The following PTPRQ variants were observed in gnomAD, a reference collection of about 807,000 sequenced individuals.
The protein encoded by PTPRQ is protein tyrosine phosphatase receptor type Q, also known as phosphatidylinositol phosphatase PTPRQ.
In PTPRQ, 199 loss-of-function variants were observed where a neutral mutation model predicts 246.0. The observed-to-expected ratio is 0.81, with a 90% CI of 0.72 to 0.91. The LOEUF is 0.91. Ranked by LOEUF, PTPRQ falls within the 40% of genes least tolerant of loss-of-function variation. The probability of loss-of-function intolerance (pLI) is 0.00; values close to 1 mark genes in which losing one functional copy is unlikely to be tolerated. For missense variants in PTPRQ, 2,624 were observed against 2,528.4 expected, an observed-to-expected ratio of 1.04 and a Z score of -0.81; for synonymous variants, 869 against 853.2, an observed-to-expected ratio of 1.02 and a Z score of -0.32.
At chr12:80,601,018 C>G (rs1202552653) in intron 26 of PTPRQ, among the ~76,000 whole-genome samples, 1 of 151,634 alleles carries the variant, frequency 6.6e-6, no homozygotes, top group Non-Finnish European at 1.5e-5. Context: ...CACTCTTTCT[C>G]CAAACAGCCA....
rs553187460 is a variant in PTPRQ at position 80,448,380 on chromosome 12, T to TA, written c.390+2667dup. On this transcript the variant is annotated intron_variant, in intron 3 of 44. Coordinates refer to ENST00000644991, the MANE Select transcript of PTPRQ (RefSeq NM_001145026.2). ...CTGTTTTCCAATTTGGATGCCTTTTTAAAATTATTGTACTTTAAGTTTTAG... is the reference window on the plus strand; with the variant it reads ...CTGTTTTCCAATTTGGATGCCTTTTTAAAAATTATTGTACTTTAAGTTTTAG... 9.2e-5 allele frequency among the ~76,000 whole-genome samples: 14 copies of TA among 152,298 alleles called. No homozygotes were observed. The South Asian group carries it at 2.9e-3, about 32-fold the overall frequency.
intron 26 of PTPRQ, among the ~76,000 whole-genome samples, chr12:80,595,407 T>C (rs1897936629): frequency 2.0e-5 from 3 of 152,130 alleles, no homozygotes; most frequent in Admixed American, 1.3e-4. Context: ...AAATTCTCCA[T>C]ATTTTAAAAT....
At chr12:80,529,223 GA>G (rs1364462959) in intron 17 of PTPRQ, among the ~76,000 whole-genome samples, 5 of 152,062 alleles carry the variant, frequency 3.3e-5, no homozygotes, top group Non-Finnish European at 7.4e-5. Context: ...TTCATATGAG[GA>G]AAAAAATAAT....
At chr12:80,559,165 C>T (rs1162430747) in intron 25 of PTPRQ, among the ~76,000 whole-genome samples, 4 of 152,190 alleles carry the variant, frequency 2.6e-5, no homozygotes, top group Non-Finnish European at 5.9e-5. Context: ...CTGCCCCAGC[C>T]TCCCGAGTAG....
At chr12:80,515,938 C>T (rs558216464) in intron 17 of PTPRQ, among the ~76,000 whole-genome samples, 140 of 152,216 alleles carry the variant, frequency 9.2e-4, no homozygotes, top group Non-Finnish European at 1.4e-3. Context: ...CTGTTTTAAT[C>T]CATTGCATTT....
intron 8 of PTPRQ, among the ~76,000 whole-genome samples, chr12:80,476,223 T>G (rs1893806476): frequency 6.6e-6 from 1 of 152,180 alleles, no homozygotes; most frequent in South Asian, 2.1e-4. Context: ...GCCATGTTAT[T>G]TTACACCACA....
chr12:80,509,241 GA>G (rs1300027190), intron 16 of PTPRQ, among the ~76,000 whole-genome samples: 1 of 151,792 alleles, frequency 6.6e-6, no homozygotes, highest in Non-Finnish European at 1.5e-5. Context: ...AATTTTTTTG[GA>G]AAATTATTGT....
At chr12:80,673,334 A>G (rs780413254) in intron 43 of PTPRQ, 30 bp downstream of exon 43, 1 of 1,531,742 alleles carries the variant, frequency 6.5e-7, no homozygotes, top group South Asian at 1.3e-5. Flanking sequence ...ACTGCATTCT[A>G]AAGTTCTAGA....
In PTPRQ at chr12:80,620,488, G is replaced by C. The variant is rs568470500; in HGVS notation, c.5612+112G>C. On this transcript the variant is annotated intron_variant, in intron 32 of 44. Transcript: ENST00000644991. ...CCAATAAGCACTGGATGTCCGCCAC[G>C]TATAGTGACCTGATTTTTCTGGCAC... 8 of 1,428,404 alleles carry C rather than the reference G, an allele frequency of 5.6e-6. No homozygotes were observed. The Admixed American group carries it at 2.2e-4, about 39-fold the overall frequency. 88.5% of individuals were successfully genotyped at this position (1,428,404 alleles called of 1,614,324 possible).
intron 30 of PTPRQ, among the ~76,000 whole-genome samples, chr12:80,616,676 C>T (rs1898774466): frequency 6.6e-6 from 1 of 150,994 alleles, no homozygotes; most frequent in Non-Finnish European, 1.5e-5. Flanking sequence ...GAGATTCTTT[C>T]AGTTAATTAA....
At chr12:80,467,026 G>A (rs1893445348) in intron 6 of PTPRQ, among the ~76,000 whole-genome samples, 1 of 152,162 alleles carries the variant, frequency 6.6e-6, no homozygotes, top group Non-Finnish European at 1.5e-5. Flanking sequence ...TTAAACTAAA[G>A]AGCGTCTGCA....
At chr12:80,628,219 A>G (rs890268995) in intron 33 of PTPRQ, among the ~76,000 whole-genome samples, 1 of 152,140 alleles carries the variant, frequency 6.6e-6, no homozygotes, top group Non-Finnish European at 1.5e-5. Context: ...ATGTACCTAA[A>G]ATACTTTAGG....
intron 3 of PTPRQ, 80 bp from the exon 4 acceptor site, chr12:80,457,495 T>A: frequency 2.5e-6 from 1 of 399,594 alleles, no homozygotes; most frequent in Non-Finnish European, 4.4e-6. Context: ...TATGGATAAG[T>A]CAAAGTTTTG....
intron 35 of PTPRQ, among the ~76,000 whole-genome samples, chr12:80,638,752 A>G (rs1238258520): frequency 6.6e-6 from 1 of 152,224 alleles, no homozygotes; most frequent in Non-Finnish European, 1.5e-5. Flanking sequence ...ATAAAGATGT[A>G]GTACTCTTTA....
chr12:80,652,606 C>T (rs1900291921), intron 37 of PTPRQ, 138 bp from the exon 38 acceptor site: 1 of 809,794 alleles, frequency 1.2e-6, no homozygotes. Context: ...TTAACTTGAC[C>T]TTGTTTCCAC....
intron 3 of PTPRQ, among the ~76,000 whole-genome samples, chr12:80,452,535 T>A (rs1592518164): frequency 6.6e-6 from 1 of 152,328 alleles, no homozygotes; most frequent in East Asian, 1.9e-4. Flanking sequence ...AGTGCTTCCT[T>A]CAGGAGCTCT....
rs147938575 is a variant in PTPRQ, at chr12:80,455,398, T to C, written c.391-2177T>C. 6.5e-3 allele frequency among the ~76,000 whole-genome samples: 997 copies of C among 152,348 alleles called. 1 individual carries two copies. The highest frequency in any genetic ancestry group is 0.01 in the Admixed American group (157 of 15,306). Reference sequence around the variant, plus strand: ...ATATTTCATTTTAAAATAAAACTTATAGTTAGCTTTTCATTTTTCTTCCAA... The same window carrying C: ...ATATTTCATTTTAAAATAAAACTTACAGTTAGCTTTTCATTTTTCTTCCAA... On this transcript the variant is annotated intron_variant, in intron 3 of 44. Transcript: ENST00000644991.
chr12:80,572,496 TTTA>T (rs1897173149), intron 25 of PTPRQ, among the ~76,000 whole-genome samples: 1 of 152,148 alleles, frequency 6.6e-6, no homozygotes, highest in African/African-American at 2.4e-5. Flanking sequence ...ACTCCATGAC[TTTA>T]TTGTTTGTTT....
intron 28 of PTPRQ, among the ~76,000 whole-genome samples, chr12:80,611,074 C>G (rs1458076300): frequency 6.6e-6 from 1 of 150,456 alleles, no homozygotes; most frequent in Non-Finnish European, 1.5e-5. Context: ...TAGAATCCAG[C>G]TCACATTTAT....
Sources: gnomAD v4.1 joint callset for allele counts (sites outside exome capture counted in the v4.1 genomes callset) on GRCh38, gnomAD v4.1.1 for gene constraint, MANE v1.5 for transcripts, NCBI Gene and HGNC (gene_info 2026-07-23, HGNC 2026-07-21) for gene names.